The following ANK2 variants were observed in gnomAD, a reference collection of about 807,000 sequenced individuals.
ANK2 encodes the protein ankyrin 2, also known as ankyrin-2.
A neutral mutation model predicts 360.5 loss-of-function variants in ANK2; 83 were observed. The ratio of observed to expected loss-of-function variants is 0.23; its 90% CI spans 0.19 to 0.28. The LOEUF (loss-of-function observed/expected upper bound fraction) is 0.28, where lower values mean the gene tolerates loss of function less well. ANK2 is among the 10% of genes least tolerant of loss of function. ANK2 has a pLI of 1.00. For missense variants in ANK2, 4,201 were observed against 4,795.7 expected (o/e 0.88, Z 3.66); for synonymous variants, 1,740 against 1,759.5 (o/e 0.99, Z 0.28).
intron 1 of ANK2, among the ~76,000 whole-genome samples, chr4:112,820,647 GC>G (rs1219353423): frequency 2.0e-5 from 3 of 152,174 alleles, no homozygotes; most frequent in Admixed American, 2.0e-4. Flanking sequence ...TGTTGTCCAA[GC>G]TGGACTCAAT....
intron 1 of ANK2, among the ~76,000 whole-genome samples, chr4:112,842,753 G>T (rs988957901): frequency 1.4e-4 from 21 of 152,196 alleles, no homozygotes; most frequent in Non-Finnish European, 2.6e-4. Flanking sequence ...GCAGACTGGG[G>T]ACTGGGGACC....
intron 1 of ANK2, among the ~76,000 whole-genome samples, chr4:112,862,135 G>T (rs1253438334): frequency 6.6e-6 from 1 of 152,162 alleles, no homozygotes; most frequent in Non-Finnish European, 1.5e-5. Flanking sequence ...GTTAAAGAAA[G>T]TATCCAGCAT....
intron 1 of ANK2, among the ~76,000 whole-genome samples, chr4:113,072,580 G>A (rs905484891): frequency 2.0e-5 from 3 of 152,190 alleles, no homozygotes; most frequent in Admixed American, 2.0e-4. Flanking sequence ...AGAGGTTTGG[G>A]TAGGGGACAG....
At chr4:113,082,998 A>G (rs2083015843) in intron 1 of ANK2, among the ~76,000 whole-genome samples, 1 of 152,132 alleles carries the variant, frequency 6.6e-6, no homozygotes, top group Non-Finnish European at 1.5e-5. Flanking sequence ...TTACTTCCTG[A>G]TATATACATT....
intron 1 of ANK2, among the ~76,000 whole-genome samples, chr4:113,105,389 A>T (rs1268199954): frequency 6.6e-6 from 1 of 152,162 alleles, no homozygotes; most frequent in African/African-American, 2.4e-5. Context: ...TTATCAGTTG[A>T]TTTAGGAAGC....
chr4:113,218,093 C>G (rs2099107193), intron 4 of ANK2, among the ~76,000 whole-genome samples: 1 of 152,128 alleles, frequency 6.6e-6, no homozygotes. Flanking sequence ...GTAAGACTTT[C>G]ATTGTGCTTA....
intron 2 of ANK2, among the ~76,000 whole-genome samples, chr4:112,929,449 T>A (rs1377992369): frequency 6.6e-6 from 1 of 152,210 alleles, no homozygotes; most frequent in Non-Finnish European, 1.5e-5. Context: ...AATGAAAAGA[T>A]CTTTATGGCA....
At chr4:113,135,670 C>T (rs1050938017) in intron 1 of ANK2, among the ~76,000 whole-genome samples, 4 of 152,068 alleles carry the variant, frequency 2.6e-5, no homozygotes, top group African/African-American at 9.7e-5. Context: ...CCTGAAATAT[C>T]CATGATGTGA....
At chr4:112,874,698 T>TA (rs1343785637) in intron 1 of ANK2, among the ~76,000 whole-genome samples, 2 of 146,628 alleles carry the variant, frequency 1.4e-5, no homozygotes, top group African/African-American at 5.0e-5. Context: ...AAATGTTTGA[T>TA]AACCACTGAC....
intron 1 of ANK2, among the ~76,000 whole-genome samples, chr4:113,060,351 T>C (rs2072560811): frequency 6.6e-6 from 1 of 152,148 alleles, no homozygotes; most frequent in Admixed American, 6.6e-5. Flanking sequence ...CCAGTCTACA[T>C]AGAGTTCTAC....
intron 45 of ANK2, among the ~76,000 whole-genome samples, chr4:113,375,886 C>A (rs1160688595): frequency 6.6e-6 from 1 of 152,104 alleles, no homozygotes; most frequent in Admixed American, 6.5e-5. Flanking sequence ...TGACATGAAG[C>A]TTTTTTATTC....
intron 1 of ANK2, among the ~76,000 whole-genome samples, chr4:112,887,135 C>T (rs1006483131): frequency 6.6e-6 from 1 of 152,062 alleles, no homozygotes; most frequent in Non-Finnish European, 1.5e-5. Context: ...TAGTCATCTG[C>T]GTACTTATTT....
chr4:113,176,212 T>C (rs2098192408), intron 2 of ANK2, among the ~76,000 whole-genome samples: 1 of 152,216 alleles, frequency 6.6e-6, no homozygotes, highest in Non-Finnish European at 1.5e-5. Context: ...AGGCTGACAC[T>C]TGGCTACTGC....
intron 1 of ANK2, among the ~76,000 whole-genome samples, chr4:112,818,767 A>T (rs1453262634): frequency 6.6e-6 from 1 of 152,174 alleles, no homozygotes; most frequent in Admixed American, 6.5e-5. Context: ...AGATTTAATT[A>T]GTTTTTGGTA....
intron 1 of ANK2, among the ~76,000 whole-genome samples, chr4:113,097,258 G>A (rs965313042): frequency 2.0e-5 from 3 of 151,500 alleles, no homozygotes; most frequent in Non-Finnish European, 2.9e-5. Flanking sequence ...CCCACAAAAA[G>A]GTATAGCTGA....
chr4:113,146,033 G>T, intron 1 of ANK2: 2 of 1,289,258 alleles, frequency 1.6e-6, no homozygotes, highest in Non-Finnish European at 2.0e-6. Flanking sequence ...GGAGGAGGAA[G>T]GGAGGATGGT....
intron 35 of ANK2, chr4:113,347,784 C>T (rs1167826803): frequency 6.1e-6 from 1 of 164,200 alleles, no homozygotes; most frequent in Non-Finnish European, 1.3e-5. Flanking sequence ...GCCTGAGCAA[C>T]ATAGCAAGAC....
intron 1 of ANK2, among the ~76,000 whole-genome samples, chr4:113,109,834 G>A (rs966804826): frequency 7.9e-5 from 12 of 152,118 alleles, no homozygotes; most frequent in Non-Finnish European, 1.6e-4. Flanking sequence ...AACACATGCT[G>A]TTCATACAGG....
At chr4:113,244,799 T>C (rs897229160) in intron 9 of ANK2, among the ~76,000 whole-genome samples, 4 of 152,144 alleles carry the variant, frequency 2.6e-5, no homozygotes, top group African/African-American at 9.7e-5. Context: ...CAGTGTGCGA[T>C]GTTCCCCTCC....
Sources: gnomAD v4.1 joint callset for allele counts (sites outside exome capture counted in the v4.1 genomes callset) on GRCh38, gnomAD v4.1.1 for gene constraint, MANE v1.5 for transcripts, NCBI Gene and HGNC (gene_info 2026-07-23, HGNC 2026-07-21) for gene names.